The following EIF4E2 variants were observed in gnomAD, a reference collection of about 807,000 sequenced individuals.
EIF4E2 encodes the protein eukaryotic translation initiation factor 4E family member 2.
EIF4E2 carries 13 observed loss-of-function variants against 34.2 expected under a neutral mutation model. That is an observed-to-expected ratio of 0.38 (90% CI 0.25 to 0.60). The LOEUF (loss-of-function observed/expected upper bound fraction) is 0.60, where lower values mean the gene tolerates loss of function less well. Among genes scored for constraint, EIF4E2 ranks in the 20% least tolerant of loss-of-function variants. The pLI is 0.62. For missense variants in EIF4E2, 222 were observed against 315.1 expected (o/e 0.70, Z 2.24); for synonymous variants, 100 against 106.6 (o/e 0.94, Z 0.38).
chr2:232,568,162 C>CATT, intron 6 of EIF4E2: 1 of 985,184 alleles, frequency 1.0e-6, no homozygotes, highest in Non-Finnish European at 1.2e-6. Flanking sequence ...TCATCATCAT[C>CATT]ATTAGTAAGA....
rs542819400 is a variant in EIF4E2, at chr2:232,567,837, C to T, written c.665+623C>T. On this transcript the variant is annotated intron_variant, in intron 6 of 6. Transcript: ENST00000258416. ...AGTGAGAATCACTGTTAGGCTTGCT[C>T]CTCAGTGATTGAGTGTCAGAAGTAA... is the stretch of plus-strand genomic sequence containing the variant. 1.3e-4 allele frequency: 129 copies of T among 985,466 alleles called. No homozygotes were observed. The African/African-American group carries it at 1.8e-3, about 14-fold the overall frequency. 61.0% of individuals were successfully genotyped at this position (985,466 alleles called of 1,614,324 possible). A position where few individuals can be genotyped will look rare whatever the true frequency, so the allele number is the denominator to read the frequency against.
downstream of EIF4E2, among the ~76,000 whole-genome samples, chr2:232,572,748 A>G (rs909907372): frequency 5.9e-5 from 9 of 152,196 alleles, no homozygotes. Context: ...GGGGAATGTA[A>G]TACTGGAATG....
intron 6 of EIF4E2, 149 bp downstream of exon 6, chr2:232,567,363 C>A: frequency 6.9e-7 from 1 of 1,452,940 alleles, no homozygotes; most frequent in Non-Finnish European, 9.1e-7. Context: ...TGGCTACTTG[C>A]TGCAGTTCTT....
chr2:232,560,096 G>A (rs1692670055), intron 3 of EIF4E2, among the ~76,000 whole-genome samples: 1 of 152,174 alleles, frequency 6.6e-6, no homozygotes, highest in African/African-American at 2.4e-5. Flanking sequence ...TGAACACATG[G>A]AGGTGCCTGG....
At chr2:232,582,753 G>A (rs1693389315) in exon 7 of EIF4E2, 1 of 152,378 alleles carries the variant, frequency 6.6e-6, no homozygotes, top group East Asian at 1.9e-4. Flanking sequence ...AGTGTGCTTA[G>A]GAGTGAGTGA....
chr2:232,573,693 A>G, downstream of EIF4E2: 1 of 181,128 alleles, frequency 5.5e-6, no homozygotes, highest in Non-Finnish European at 1.2e-5. Context: ...TAGTTACATA[A>G]GCACTTAAGA....
chr2:232,569,063 G>A lies in EIF4E2; in HGVS notation c.*46G>A, dbSNP rs368060230. On this transcript the variant is annotated 3_prime_UTR_variant, in exon 7 of 7. Coordinates refer to ENST00000258416, the MANE Select transcript of EIF4E2 (RefSeq NM_004846.4). ...CACCATCATTGAAGCTGGCGTCATC[G>A]GAGTCTCTTGTTCTGTTGGCGTGCT... 88 of 1,604,584 alleles carry A rather than the reference G, an allele frequency of 5.5e-5. No individual in the cohort carries two copies. Among genetic ancestry groups the A allele is most frequent in the African/African-American group, 1.9e-4 (14 of 74,830 alleles).
chr2:232,578,082 C>G (rs953870360), intron 6 of EIF4E2, among the ~76,000 whole-genome samples: 1 of 152,182 alleles, frequency 6.6e-6, no homozygotes, highest in African/African-American at 2.4e-5. Context: ...GTTCTCAACC[C>G]ACTTTTTTAA....
downstream of EIF4E2, among the ~76,000 whole-genome samples, chr2:232,570,593 G>A (rs1244564627): frequency 1.3e-5 from 2 of 152,172 alleles, no homozygotes; most frequent in Non-Finnish European, 2.9e-5. Flanking sequence ...TATTCCTTGT[G>A]GCTCTTCCAT....
intron 6 of EIF4E2, among the ~76,000 whole-genome samples, chr2:232,580,084 C>CCACACA (rs6147227): frequency 0.025 from 3,576 of 145,138 alleles, 50 homozygotes; most frequent in Admixed American, 0.035. Context: ...CACATACATA[C>CCACACA]CACACACACA....
In EIF4E2 at chr2:232,581,053, CG is replaced by C. The variant is rs1182353795; in HGVS notation, c.*111del. The C allele has an allele frequency of 9.3e-7, 1 of 1,071,542 alleles. No homozygotes were observed. The highest frequency in any genetic ancestry group is 1.4e-6 in the Non-Finnish European group (1 of 710,214). 66.4% of individuals were successfully genotyped at this position (1,071,542 alleles called of 1,614,324 possible). Reference sequence around the variant, plus strand: ...GCTCACTGAAGGGACGTCCCTGAGCCGTGCGCTCTCCTTTTGCACTCATTCC... The same window carrying C: ...GCTCACTGAAGGGACGTCCCTGAGCCTGCGCTCTCCTTTTGCACTCATTCC... On this transcript the variant is annotated 3_prime_UTR_variant, in exon 7 of 7. Transcript: ENST00000409098. The surrounding 1 kb of genome is among the most constrained non-coding windows in gnomAD (Gnocchi z 5.2).
Position 232,556,275 on chromosome 2 carries a change from T to C in EIF4E2, c.21-141T>C, listed in dbSNP as rs1420797192. On this transcript the variant is annotated intron_variant, in intron 1 of 6. Transcript: ENST00000258416. ...AATCCTAATTTGCCTGTCTGTGTTA[T>C]TTTGCCCTTCTTACATCTCAGGGCC... 3 of 637,542 alleles carry C rather than the reference T, an allele frequency of 4.7e-6. No homozygotes were observed. In the Admixed American group the frequency reaches 8.3e-5, roughly 18 times the overall value. 39.5% of individuals were successfully genotyped at this position (637,542 alleles called of 1,614,324 possible). A position where few individuals can be genotyped will look rare whatever the true frequency, so the allele number is the denominator to read the frequency against.
At position 232,581,190 on chromosome 2, in the gene EIF4E2, G is replaced by C. The variant is rs563646087; in HGVS notation, c.*247G>C. ...ACATTGTTTTTTAATGGGGTTCCAT[G>C]GGGGGGCGTTCAGCCTTTCTGTTTG... On this transcript the variant is annotated 3_prime_UTR_variant, in exon 7 of 7. Transcript: ENST00000409098. This position sits in a 1 kb window ranked among gnomAD's most constrained non-coding sequence, Gnocchi z 5.2. 21 of 616,300 alleles carry C rather than the reference G, an allele frequency of 3.4e-5. 1 individual carries two copies. The highest frequency in any genetic ancestry group is 2.2e-4 in the South Asian group (14 of 63,626). The allele number at this position is 616,300 out of a possible 1,614,324, so 38.2% of individuals were successfully genotyped here. A position where few individuals can be genotyped will look rare whatever the true frequency, so the allele number is the denominator to read the frequency against.
exon 7 of EIF4E2, chr2:232,580,912 C>T: frequency 6.5e-6 from 10 of 1,549,552 alleles, no homozygotes; most frequent in Non-Finnish European, 8.7e-6. Flanking sequence ...AGGGACAATT[C>T]AAGCTTTCGA....
Position 232,581,079 on chromosome 2 carries a change from C to T in EIF4E2, c.*136C>T. 2.3e-6 allele frequency: 2 copies of T among 881,752 alleles called. No homozygotes were observed. Among genetic ancestry groups the T allele is most frequent in the Non-Finnish European group, 3.7e-6 (2 of 536,518 alleles). The allele number at this position is 881,752 out of a possible 1,614,324, so 54.6% of individuals were successfully genotyped here. ...GTGCGCTCTCCTTTTGCACTCATTCCTGGAGGACGGATTCCGCTAGACACC... is the reference window on the plus strand; with the variant it reads ...GTGCGCTCTCCTTTTGCACTCATTCTTGGAGGACGGATTCCGCTAGACACC... On this transcript the variant is annotated 3_prime_UTR_variant, in exon 7 of 7. Transcript: ENST00000409098. This position sits in a 1 kb window ranked among gnomAD's most constrained non-coding sequence, Gnocchi z 5.2.
intron 6 of EIF4E2, chr2:232,574,387 A>C: frequency 4.6e-5 from 70 of 1,530,906 alleles, no homozygotes; most frequent in Non-Finnish European, 5.8e-5. Flanking sequence ...CATACCTCTC[A>C]TCCATAGGAC....
chr2:232,579,648 A>G (rs1473776301), intron 6 of EIF4E2, among the ~76,000 whole-genome samples: 1 of 152,132 alleles, frequency 6.6e-6, no homozygotes, highest in African/African-American at 2.4e-5. Context: ...ACTCTGAACC[A>G]ATTGCCATAT....
chr2:232,553,476 G>A (rs1027407655), intron 1 of EIF4E2, among the ~76,000 whole-genome samples: 6 of 152,156 alleles, frequency 3.9e-5, no homozygotes, highest in Non-Finnish European at 7.3e-5. Flanking sequence ...TTGAACCAAG[G>A]TCCTGCCCAC....
downstream of EIF4E2, among the ~76,000 whole-genome samples, chr2:232,573,387 A>G (rs893173100): frequency 2.0e-5 from 3 of 152,180 alleles, no homozygotes; most frequent in Admixed American, 1.3e-4. Flanking sequence ...TATAATTCCC[A>G]AGGAACTCCT....
Sources: allele counts gnomAD v4.1 joint callset (sites outside exome capture counted in the v4.1 genomes callset), GRCh38; gene constraint gnomAD v4.1.1; non-coding constraint Gnocchi (gnomAD v3.1); transcripts MANE v1.5; gene names NCBI Gene and HGNC (gene_info 2026-07-23, HGNC 2026-07-21).